Variants in LINGO2 observed in about 807,000 individuals in gnomAD.
LINGO2 encodes the protein leucine-rich repeat and immunoglobulin-like domain-containing nogo receptor-interacting protein 2.
LINGO2 carries 14 observed loss-of-function variants against 30.6 expected under a neutral mutation model. That is an observed-to-expected ratio of 0.46 (90% CI 0.30 to 0.72). LINGO2 has a LOEUF of 0.72. Ranked by LOEUF, LINGO2 falls within the 30% of genes least tolerant of loss-of-function variation. LINGO2 has a pLI of 0.07. For missense variants in LINGO2, 729 were observed against 751.7 expected, an observed-to-expected ratio of 0.97 and a Z score of 0.35; for synonymous variants, 317 against 288.5, an observed-to-expected ratio of 1.10 and a Z score of -1.00.
intron 3 of LINGO2, among the ~76,000 whole-genome samples, chr9:28,301,991 AAGG>A (rs1290567132): frequency 2.6e-5 from 4 of 152,238 alleles, no homozygotes; most frequent in African/African-American, 9.6e-5. Flanking sequence ...TTCCTCTGTG[AAGG>A]AGAAATAAGA....
chr9:28,954,864 G>A, the LINGO2 span, among the ~76,000 whole-genome samples: 6 of 152,106 alleles, frequency 3.9e-5, no homozygotes, highest in Non-Finnish European at 7.4e-5. Context: ...TCACTCTCGT[G>A]AGTTAGAAAG....
At chr9:28,238,955 AG>A (rs1230813922) in intron 4 of LINGO2, among the ~76,000 whole-genome samples, 37 of 152,206 alleles carry the variant, frequency 2.4e-4, no homozygotes, top group African/African-American at 8.9e-4. Context: ...TGAAAAAAGG[AG>A]TAATTACAAT....
chr9:28,379,293 C>T (rs1821249254), intron 2 of LINGO2, among the ~76,000 whole-genome samples: 1 of 152,006 alleles, frequency 6.6e-6, no homozygotes. Flanking sequence ...AGGTGTGTTT[C>T]ATGTGTGTTT....
the LINGO2 span, among the ~76,000 whole-genome samples, chr9:28,795,479 T>C: frequency 6.6e-6 from 1 of 152,088 alleles, no homozygotes; most frequent in African/African-American, 2.4e-5. Flanking sequence ...AATATAACAA[T>C]TAGCAATTTT....
intron 2 of LINGO2, among the ~76,000 whole-genome samples, chr9:28,420,551 T>C (rs2134875432): frequency 6.6e-6 from 1 of 152,194 alleles, no homozygotes; most frequent in East Asian, 1.9e-4. Context: ...CCATTGTTTG[T>C]AAGAAAGACA....
chr9:28,071,152 T>G (rs907607051), intron 4 of LINGO2, among the ~76,000 whole-genome samples: 3 of 152,218 alleles, frequency 2.0e-5, no homozygotes, highest in African/African-American at 7.2e-5. Context: ...AAGATGTATA[T>G]TCCTCCCTTT....
the LINGO2 span, among the ~76,000 whole-genome samples, chr9:29,148,742 A>G: frequency 6.6e-6 from 1 of 152,182 alleles, no homozygotes; most frequent in African/African-American, 2.4e-5. Context: ...CCTTTGGTTA[A>G]ACCTATTTTT....
the LINGO2 span, chr9:27,939,575 T>C: frequency 6.6e-6 from 1 of 152,250 alleles, no homozygotes; most frequent in African/African-American, 2.4e-5. Flanking sequence ...TGTAGGATGT[T>C]TGTACTGATA....
intron 2 of LINGO2, among the ~76,000 whole-genome samples, chr9:28,467,242 G>T (rs921424270): frequency 6.6e-6 from 1 of 152,024 alleles, no homozygotes; most frequent in Admixed American, 6.5e-5. Context: ...AGCCAGGATG[G>T]TCTCGATCTC....
At chr9:28,844,131 G>T in the LINGO2 span, among the ~76,000 whole-genome samples, 4 of 151,844 alleles carry the variant, frequency 2.6e-5, no homozygotes. Context: ...GGAGGCTGAG[G>T]CGGGTGGATC....
chr9:28,876,903 C>A, the LINGO2 span, among the ~76,000 whole-genome samples: 1 of 152,106 alleles, frequency 6.6e-6, no homozygotes, highest in African/African-American at 2.4e-5. Context: ...CACATCCTCT[C>A]CAGCACCTGT....
At chr9:28,314,941 C>T (rs1487761654) in intron 3 of LINGO2, among the ~76,000 whole-genome samples, 5 of 146,824 alleles carry the variant, frequency 3.4e-5, no homozygotes, top group East Asian at 2.1e-4. Flanking sequence ...GCCGAGATGG[C>T]GGAGTTCGCA....
At chr9:28,537,020 T>TA (rs969300290) in intron 1 of LINGO2, among the ~76,000 whole-genome samples, 16 of 151,380 alleles carry the variant, frequency 1.1e-4, no homozygotes, top group Admixed American at 2.0e-4. Context: ...TGTCCTTATT[T>TA]AAAAAAAAAT....
intron 5 of LINGO2, among the ~76,000 whole-genome samples, chr9:27,952,186 ATT>A (rs1158971624): frequency 6.6e-6 from 1 of 152,034 alleles, no homozygotes; most frequent in Non-Finnish European, 1.5e-5. Context: ...TTTAAAAAAA[ATT>A]TTCTTGTCTA....
the LINGO2 span, among the ~76,000 whole-genome samples, chr9:29,144,922 T>A: frequency 6.6e-6 from 1 of 152,212 alleles, no homozygotes; most frequent in Admixed American, 6.5e-5. Flanking sequence ...ACAGTTTTTA[T>A]TGCTTTTTTT....
the LINGO2 span, among the ~76,000 whole-genome samples, chr9:28,703,215 T>C: frequency 1.3e-5 from 2 of 151,890 alleles, no homozygotes; most frequent in Non-Finnish European, 2.9e-5. Context: ...ACTTAAATTA[T>C]TGATTTTAGA....
chr9:28,438,899 A>T (rs1015895042), intron 2 of LINGO2, among the ~76,000 whole-genome samples: 1 of 117,008 alleles, frequency 8.5e-6, no homozygotes, highest in East Asian at 2.6e-4. Context: ...ATATATATTT[A>T]TACATTATAT....
At chr9:28,892,563 CAACTT>C in the LINGO2 span, among the ~76,000 whole-genome samples, 1 of 151,814 alleles carries the variant, frequency 6.6e-6, no homozygotes, top group African/African-American at 2.4e-5. Flanking sequence ...AAATCAAAAG[CAACTT>C]AACATGTAAA....
At chr9:28,198,032 TA>T (rs1820075988) in intron 4 of LINGO2, among the ~76,000 whole-genome samples, 1 of 151,786 alleles carries the variant, frequency 6.6e-6, no homozygotes, top group Admixed American at 6.6e-5. Context: ...GAAAATTGGT[TA>T]AAACTCTATT....
Sources: allele counts gnomAD v4.1 joint callset (sites outside exome capture counted in the v4.1 genomes callset), GRCh38; gene constraint gnomAD v4.1.1; transcripts MANE v1.5; gene names NCBI Gene and HGNC (gene_info 2026-07-23, HGNC 2026-07-21).